The following ZNF83 variants were observed in gnomAD, a reference collection of about 807,000 sequenced individuals.
ZNF83 encodes the protein zinc finger protein 83.
For synonymous variants in ZNF83, 209 were observed against 213.0 expected, an observed-to-expected ratio of 0.98 and a Z score of 0.17; for missense variants, 552 against 629.9, an observed-to-expected ratio of 0.88 and a Z score of 1.32.
chr19:52,635,112 C>G (rs755585466), exon 2 of ZNF83: 1 of 689,040 alleles, frequency 1.5e-6, no homozygotes, highest in African/African-American at 1.8e-5. Flanking sequence ...CTTCCCCTTC[C>G]GGGTTTCTTC....
intron 1 of ZNF83, among the ~76,000 whole-genome samples, chr19:52,675,919 C>A (rs1323083393): frequency 6.6e-6 from 1 of 152,182 alleles, no homozygotes; most frequent in Non-Finnish European, 1.5e-5. Context: ...AGGCCAGGTG[C>A]AGTGGCTCAT....
chr19:52,632,133 T>C (rs186453044), intron 2 of ZNF83, among the ~76,000 whole-genome samples: 1 of 145,048 alleles, frequency 6.9e-6, no homozygotes, highest in Admixed American at 6.9e-5. Flanking sequence ...CTGTCAGACA[T>C]AATTCCTCAG....
upstream of ZNF83, chr19:52,638,404 C>CGAGGTGGGCGGGGCCCGA (rs1362169359): frequency 2.0e-5 from 3 of 151,312 alleles, no homozygotes; most frequent in African/African-American, 7.3e-5. Context: ...GCGGGGCCCG[C>CGAGGTGGGCGGGGCCCGA]GAGGTGGGCG....
At chr19:52,664,375 G>A (rs1441817698) in intron 1 of ZNF83, among the ~76,000 whole-genome samples, 1 of 151,908 alleles carries the variant, frequency 6.6e-6, no homozygotes, top group Non-Finnish European at 1.5e-5. Flanking sequence ...ATGTAGCTGT[G>A]GTCCCAGCTA....
At chr19:52,678,643 C>A (rs929483780) in intron 1 of ZNF83, among the ~76,000 whole-genome samples, 1 of 151,830 alleles carries the variant, frequency 6.6e-6, no homozygotes, top group African/African-American at 2.4e-5. Flanking sequence ...GCCCTCATAT[C>A]CTCATGGAGA....
rs183142259 is a variant in ZNF83, at chr19:52,656,840, T to G, written c.-200-1153A>C. Among the ~76,000 whole-genome samples the G allele has an allele frequency of 2.6e-3, 374 of 143,218 alleles. 1 individual carries two copies. Among genetic ancestry groups the G allele is most frequent in the Non-Finnish European group, 4.2e-3 (277 of 66,498 alleles). 94.0% of individuals were successfully genotyped at this position (143,218 alleles called of 152,430 possible). A position where few individuals can be genotyped will look rare whatever the true frequency, so the allele number is the denominator to read the frequency against. The stretch of plus-strand genomic sequence containing the variant: ...GAGATAGTGCCATTTCATTCCAGCC[T>G]ATCGACAGAGCGAGACTCCGTCTCA... On this transcript the variant is annotated intron_variant, in intron 2 of 5. Transcript: ENST00000594682.
intron 2 of ZNF83, among the ~76,000 whole-genome samples, chr19:52,660,063 C>G (rs1056912809): frequency 3.3e-5 from 5 of 151,884 alleles, no homozygotes; most frequent in East Asian, 3.9e-4. Flanking sequence ...TGGTGGTGTG[C>G]GACTGTAATC....
chr19:52,647,161 A>G (rs768128628), intron 3 of ZNF83, among the ~76,000 whole-genome samples: 1 of 152,138 alleles, frequency 6.6e-6, no homozygotes, highest in Non-Finnish European at 1.5e-5. Flanking sequence ...CCACCCTGCA[A>G]AAAGGGAAGA....
exon 3 of ZNF83, chr19:52,614,404 GA>G: frequency 6.2e-7 from 1 of 1,613,458 alleles, no homozygotes; most frequent in Non-Finnish European, 8.5e-7. Context: ...TTGGGGTGGG[GA>G]AACTAAGGAA....
At position 52,687,389 on chromosome 19, in the gene ZNF83, ATATAATTT is replaced by A. The variant is rs1568588099; in HGVS notation, c.-283+3046_-283+3053del. Reference sequence around the variant, plus strand: ...ATAATATAAATTATAATTTATATATATATAATTTATATAGCTATATAAATTATAATATA... The same window carrying A: ...ATAATATAAATTATAATTTATATATAATATAGCTATATAAATTATAATATA... On this transcript the variant is annotated intron_variant, in intron 1 of 5. Transcript: ENST00000594682. 6.1e-4 allele frequency among the ~76,000 whole-genome samples: 27 copies of A among 44,366 alleles called. 8 individuals carry two copies. The African/African-American group carries it at 7.0e-3, about 12-fold the overall frequency. 29.1% of individuals were successfully genotyped at this position (44,366 alleles called of 152,430 possible).
At chr19:52,680,040 G>T (rs144659394) in intron 1 of ZNF83, among the ~76,000 whole-genome samples, 219 of 152,160 alleles carry the variant, frequency 1.4e-3, no homozygotes, top group African/African-American at 5.2e-3. Flanking sequence ...TTAGCCAGGC[G>T]TAGTGGCACA....
At chr19:52,660,735 A>G in intron 2 of ZNF83, 1 of 201,038 alleles carries the variant, frequency 5.0e-6, no homozygotes, top group South Asian at 1.0e-4. Context: ...AAGAGAGAGA[A>G]GAATCCACTG....
At chr19:52,641,431 T>A (rs2061304005), upstream of ZNF83, among the ~76,000 whole-genome samples, 1 of 152,260 alleles carries the variant, frequency 6.6e-6, no homozygotes, top group African/African-American at 2.4e-5. Flanking sequence ...AGCATGGGTT[T>A]TTATTTTAAT....
intron 2 of ZNF83, among the ~76,000 whole-genome samples, chr19:52,656,504 A>G (rs1320643599): frequency 6.6e-6 from 1 of 151,934 alleles, no homozygotes; most frequent in Non-Finnish European, 1.5e-5. Context: ...CAGCCAGGGC[A>G]ACAGAGCAAG....
At position 52,655,618 on chromosome 19, in the gene ZNF83, G is replaced by A. The variant is rs2061494628; in HGVS notation, c.-131C>T. 2.7e-6 allele frequency: 4 copies of A among 1,497,896 alleles called. No homozygotes were observed. In the African/African-American group the frequency reaches 4.1e-5, roughly 16 times the overall value. 92.8% of individuals were successfully genotyped at this position (1,497,896 alleles called of 1,614,324 possible). On this transcript the variant is annotated 5_prime_UTR_variant, in exon 3 of 6. Coordinates refer to the ZNF83 transcript ENST00000594682. The stretch of plus-strand genomic sequence containing the variant: ...ATCACGGCCCTGTATAAAGCCCTCT[G>A]TGCAGGGTTCAGGCATTTCCACTCC...
At chr19:52,631,330 T>C (rs1033824694) in intron 2 of ZNF83, among the ~76,000 whole-genome samples, 1 of 152,158 alleles carries the variant, frequency 6.6e-6, no homozygotes. Context: ...GTGGTCAGAA[T>C]TCTTACACAA....
At chr19:52,617,928 T>G (rs761012547) in intron 2 of ZNF83, 1 of 152,248 alleles carries the variant, frequency 6.6e-6, no homozygotes, top group Non-Finnish European at 1.5e-5. Flanking sequence ...ACAGATGGAC[T>G]TAGGAAAATA....
chr19:52,614,195 C>G, exon 3 of ZNF83: 1 of 1,614,058 alleles, frequency 6.2e-7, no homozygotes, highest in Non-Finnish European at 8.5e-7. Flanking sequence ...CCACATATAT[C>G]ACATTTAAAT....
chr19:52,633,443 T>A (rs924455895), intron 2 of ZNF83, among the ~76,000 whole-genome samples: 1 of 151,450 alleles, frequency 6.6e-6, no homozygotes, highest in African/African-American at 2.4e-5. Flanking sequence ...TAAAGTCTCA[T>A]AATGATGCAA....
Sources: allele counts gnomAD v4.1 joint callset (sites outside exome capture counted in the v4.1 genomes callset), GRCh38; gene constraint gnomAD v4.1.1; transcripts MANE v1.5; gene names NCBI Gene and HGNC (gene_info 2026-07-23, HGNC 2026-07-21).